Variants in AFG2A observed in about 807,000 individuals in gnomAD.
The protein encoded by AFG2A is ATPase family gene 2 protein homolog A.
chr4:123,075,746 T>G, the AFG2A span, among the ~76,000 whole-genome samples: 1 of 148,138 alleles, frequency 6.8e-6, no homozygotes, highest in Admixed American at 6.8e-5. Flanking sequence ...TCACCTGAGG[T>G]CAGGTGTTTG....
At chr4:123,308,550 G>A in the AFG2A span, among the ~76,000 whole-genome samples, 1 of 152,102 alleles carries the variant, frequency 6.6e-6, no homozygotes, top group African/African-American at 2.4e-5. Context: ...AGGGATCCAG[G>A]TTGTGCACTC....
At chr4:123,150,438 A>C in the AFG2A span, among the ~76,000 whole-genome samples, 1 of 152,232 alleles carries the variant, frequency 6.6e-6, no homozygotes, top group Non-Finnish European at 1.5e-5. Context: ...CCCAGGATAC[A>C]AAATCAATGT....
At chr4:123,097,548 T>C in the AFG2A span, among the ~76,000 whole-genome samples, 1 of 152,148 alleles carries the variant, frequency 6.6e-6, no homozygotes, top group Non-Finnish European at 1.5e-5. Context: ...ACGGTTGTTT[T>C]CCAATTTCAG....
the AFG2A span, among the ~76,000 whole-genome samples, chr4:123,119,905 C>T: frequency 6.6e-6 from 1 of 152,072 alleles, no homozygotes; most frequent in Non-Finnish European, 1.5e-5. Flanking sequence ...CTTCACAGGG[C>T]TGAAGAGAGA....
chr4:123,023,891 T>G, the AFG2A span, among the ~76,000 whole-genome samples: 1 of 151,866 alleles, frequency 6.6e-6, no homozygotes, highest in African/African-American at 2.4e-5. Flanking sequence ...CCGCCAGCGA[T>G]TTGGCTTCCG....
At chr4:123,083,684 C>T in the AFG2A span, among the ~76,000 whole-genome samples, 3 of 151,232 alleles carry the variant, frequency 2.0e-5, no homozygotes, top group East Asian at 5.8e-4. Context: ...CCTCCCACCT[C>T]ATAATTATTT....
the AFG2A span, among the ~76,000 whole-genome samples, chr4:123,048,478 C>A: frequency 1.3e-5 from 2 of 152,064 alleles, no homozygotes; most frequent in African/African-American, 2.4e-5. Flanking sequence ...AATACTTATT[C>A]TAATTCATGA....
At chr4:123,164,925 A>G in the AFG2A span, among the ~76,000 whole-genome samples, 2 of 152,150 alleles carry the variant, frequency 1.3e-5, no homozygotes, top group South Asian at 4.1e-4. Flanking sequence ...TTTCATGGCA[A>G]TAAGAGTTTG....
the AFG2A span, among the ~76,000 whole-genome samples, chr4:123,225,464 A>G: frequency 0.015 from 2,257 of 152,116 alleles, 50 homozygotes; most frequent in African/African-American, 0.052. Context: ...TTATTAACTA[A>G]GGAATCCTTT....
At chr4:123,312,038 C>T in the AFG2A span, among the ~76,000 whole-genome samples, 5 of 152,184 alleles carry the variant, frequency 3.3e-5, no homozygotes, top group African/African-American at 4.8e-5. Context: ...TTCCAACCCC[C>T]GCCCTGGCCA....
At chr4:123,064,498 C>T in the AFG2A span, among the ~76,000 whole-genome samples, 1 of 152,172 alleles carries the variant, frequency 6.6e-6, no homozygotes, top group Non-Finnish European at 1.5e-5. Context: ...CTTTGTCTTA[C>T]CTCCTGACTA....
At chr4:122,923,310 A>G in the AFG2A span, 2 of 1,613,740 alleles carry the variant, frequency 1.2e-6, no homozygotes, top group Admixed American at 1.7e-5. Flanking sequence ...AAAAGGGTAA[A>G]GAATTCCGGG....
At chr4:123,289,614 A>C in the AFG2A span, among the ~76,000 whole-genome samples, 1 of 152,190 alleles carries the variant, frequency 6.6e-6, no homozygotes, top group Non-Finnish European at 1.5e-5. Flanking sequence ...AGGTTGTACT[A>C]ATTTACCTTC....
At chr4:123,028,172 G>A in the AFG2A span, 1 of 1,602,262 alleles carries the variant, frequency 6.2e-7, no homozygotes, top group Non-Finnish European at 8.5e-7. Flanking sequence ...TTTGGAAAAT[G>A]TTCTATTTTT....
the AFG2A span, among the ~76,000 whole-genome samples, chr4:123,010,334 C>T: frequency 3.9e-5 from 6 of 152,118 alleles, no homozygotes; most frequent in African/African-American, 1.4e-4. Context: ...CTGTCATGGG[C>T]TCTTGTAGTA....
chr4:123,106,722 A>G, the AFG2A span, among the ~76,000 whole-genome samples: 1 of 152,272 alleles, frequency 6.6e-6, no homozygotes, highest in East Asian at 1.9e-4. Flanking sequence ...GTGTTGCTTC[A>G]CCAGCTGGAA....
the AFG2A span, among the ~76,000 whole-genome samples, chr4:123,269,944 G>A: frequency 6.6e-6 from 1 of 152,122 alleles, no homozygotes; most frequent in Non-Finnish European, 1.5e-5. Context: ...AGCCTCCGGA[G>A]TGGCTGGGAC....
the AFG2A span, among the ~76,000 whole-genome samples, chr4:123,142,773 A>T: frequency 6.6e-6 from 1 of 152,244 alleles, no homozygotes; most frequent in Non-Finnish European, 1.5e-5. Context: ...CTTTTCCCTT[A>T]AAAATAATCT....
chr4:123,034,071 C>T, the AFG2A span, among the ~76,000 whole-genome samples: 1 of 151,548 alleles, frequency 6.6e-6, no homozygotes, highest in Non-Finnish European at 1.5e-5. Flanking sequence ...TTGAACAACA[C>T]ATTTTTTTAA....
Sources: allele counts gnomAD v4.1 joint callset (sites outside exome capture counted in the v4.1 genomes callset), GRCh38; gene constraint gnomAD v4.1.1; transcripts MANE v1.5; gene names NCBI Gene and HGNC (gene_info 2026-07-23, HGNC 2026-07-21).